The following AUTS2 variants were observed in gnomAD, a reference collection of about 807,000 sequenced individuals.
The protein encoded by AUTS2 is activator of transcription and developmental regulator AUTS2, also known as autism susceptibility gene 2 protein.
AUTS2 carries 17 observed loss-of-function variants against 112.4 expected under a neutral mutation model. That is an observed-to-expected ratio of 0.15 (90% CI 0.10 to 0.23). The LOEUF (loss-of-function observed/expected upper bound fraction) is 0.23. Ranked by LOEUF, AUTS2 falls within the 10% of genes least tolerant of loss-of-function variation. The pLI, the probability that AUTS2 is intolerant of heterozygous loss-of-function variation, is 1.00. For missense variants in AUTS2, 1,510 were observed against 1,701.6 expected, an observed-to-expected ratio of 0.89 and a Z score of 1.98; for synonymous variants, 751 against 702.7, an observed-to-expected ratio of 1.07 and a Z score of -1.09.
chr7:70,128,813 A>G (rs963950075), intron 3 of AUTS2, among the ~76,000 whole-genome samples: 3 of 152,202 alleles, frequency 2.0e-5, no homozygotes, highest in African/African-American at 7.2e-5. Context: ...CTTCAGGGCT[A>G]TGTACCCTCT....
At chr7:70,247,813 C>G (rs886372966) in intron 4 of AUTS2, among the ~76,000 whole-genome samples, 2 of 151,996 alleles carry the variant, frequency 1.3e-5, no homozygotes, top group African/African-American at 4.8e-5. Flanking sequence ...GGATTTCTTG[C>G]CTTGATCTTA....
Position 69,989,648 on chromosome 7 carries a change from T to G in AUTS2, c.522+90150T>G, listed in dbSNP as rs17141099. ...GCTTTAAATGGTATCCTTAATTTACTGCTACCTTTCAGATGAATGCAACTG... is the reference window on the plus strand; with the variant it reads ...GCTTTAAATGGTATCCTTAATTTACGGCTACCTTTCAGATGAATGCAACTG... On this transcript the variant is annotated intron_variant, in intron 2 of 18. Transcript: ENST00000342771. Among the ~76,000 whole-genome samples, 450 of 152,286 alleles carry G rather than the reference T, an allele frequency of 3.0e-3. 16 individuals carry two copies. The East Asian group carries it at 0.073, about 25-fold the overall frequency.
At chr7:70,432,597 C>T (rs921510976) in intron 4 of AUTS2, among the ~76,000 whole-genome samples, 8 of 152,146 alleles carry the variant, frequency 5.3e-5, no homozygotes, top group Admixed American at 6.5e-5. Flanking sequence ...CAACAAACCC[C>T]CTTTATGAGT....
At chr7:70,025,769 T>G (rs1419641232) in intron 2 of AUTS2, among the ~76,000 whole-genome samples, 2 of 148,746 alleles carry the variant, frequency 1.3e-5, no homozygotes, top group African/African-American at 5.0e-5. Context: ...ATACTTTTTT[T>G]TACTAAGCTT....
chr7:69,696,470 C>T (rs1008317415), intron 1 of AUTS2, among the ~76,000 whole-genome samples: 4 of 152,116 alleles, frequency 2.6e-5, no homozygotes, highest in African/African-American at 7.2e-5. Context: ...TCATTGTTGA[C>T]ATGTCATTGA....
chr7:70,697,800 G>A (rs1244446099), intron 5 of AUTS2, among the ~76,000 whole-genome samples: 2 of 152,246 alleles, frequency 1.3e-5, no homozygotes, highest in African/African-American at 4.8e-5. Context: ...GAAATATTCA[G>A]TGCTGAAACA....
intron 6 of AUTS2, among the ~76,000 whole-genome samples, chr7:70,723,473 A>G (rs1394747501): frequency 6.6e-6 from 1 of 151,944 alleles, no homozygotes; most frequent in Non-Finnish European, 1.5e-5. Context: ...CAAATGGCAC[A>G]CCTGGATTTG....
At chr7:70,354,976 ATGTATGGGTGTGTGTG>A (rs887736152) in intron 4 of AUTS2, among the ~76,000 whole-genome samples, 40 of 147,534 alleles carry the variant, frequency 2.7e-4, no homozygotes, top group Admixed American at 1.6e-3. Context: ...GTGTGTGTGT[ATGTATGGGTGTGTGTG>A]TGTATGGGTG....
intron 5 of AUTS2, among the ~76,000 whole-genome samples, chr7:70,622,382 TGTTCTTTAAGCA>T (rs1481566329): frequency 6.6e-6 from 1 of 152,156 alleles, no homozygotes; most frequent in Non-Finnish European, 1.5e-5. Flanking sequence ...GTGCTCTGGA[TGTTCTTTAAGCA>T]GCACATTCTT....
At chr7:69,812,549 A>T (rs1006801537) in intron 1 of AUTS2, among the ~76,000 whole-genome samples, 1 of 152,112 alleles carries the variant, frequency 6.6e-6, no homozygotes, top group Non-Finnish European at 1.5e-5. Flanking sequence ...TTACCTAAAC[A>T]TGTCCTATTA....
chr7:69,848,786 G>A (rs991374468), intron 1 of AUTS2, among the ~76,000 whole-genome samples: 1 of 152,036 alleles, frequency 6.6e-6, no homozygotes, highest in Admixed American at 6.5e-5. Context: ...TATACATCCA[G>A]CACAACATTC....
chr7:70,692,712 A>G (rs2129546577), intron 5 of AUTS2, among the ~76,000 whole-genome samples: 1 of 151,794 alleles, frequency 6.6e-6, no homozygotes, highest in East Asian at 1.9e-4. Flanking sequence ...CTTATTTCCA[A>G]ACTTAGAGGC....
chr7:70,739,003 C>CTTTTTTTTTTTTTTTT lies in AUTS2; in HGVS notation c.743-23848_743-23833dup, dbSNP rs57525224. ...GGTGATGTCCACGAGGTTTTGAGGC[C>CTTTTTTTTTTTTTTTT]TTTTTTTTTTTTTTTTTTTTTTTTT... On this transcript the variant is annotated intron_variant, in intron 6 of 18. Transcript: ENST00000342771. 5.1e-4 allele frequency among the ~76,000 whole-genome samples: 29 copies of CTTTTTTTTTTTTTTTT among 57,302 alleles called. 5 individuals carry two copies. Among genetic ancestry groups the CTTTTTTTTTTTTTTTT allele is most frequent in the Non-Finnish European group, 8.2e-4 (26 of 31,706 alleles). 37.6% of individuals were successfully genotyped at this position (57,302 alleles called of 152,430 possible).
chr7:70,777,082 C>T (rs777275514), intron 13 of AUTS2, 21 bp from the exon 14 acceptor site: 3 of 1,612,300 alleles, frequency 1.9e-6, no homozygotes, highest in African/African-American at 2.7e-5. Flanking sequence ...CTCCTAACCA[C>T]GTTGCTCTTT....
chr7:70,033,756 T>A (rs1260712651), intron 2 of AUTS2, among the ~76,000 whole-genome samples: 1 of 151,956 alleles, frequency 6.6e-6, no homozygotes, highest in African/African-American at 2.4e-5. Context: ...ATGTGGGAGC[T>A]ACAAAGTTGA....
intron 2 of AUTS2, among the ~76,000 whole-genome samples, chr7:69,965,979 A>G (rs1418756636): frequency 1.3e-5 from 2 of 152,184 alleles, no homozygotes; most frequent in African/African-American, 4.8e-5. Context: ...GAAGTTTATA[A>G]TAATGGTGAC....
intron 2 of AUTS2, among the ~76,000 whole-genome samples, chr7:69,923,365 A>G (rs1410847240): frequency 1.3e-5 from 2 of 152,132 alleles, no homozygotes; most frequent in Admixed American, 6.6e-5. Flanking sequence ...TGCCTATACT[A>G]TACTGTCTTT....
At chr7:69,774,006 A>G (rs1008047861) in intron 1 of AUTS2, among the ~76,000 whole-genome samples, 1 of 152,214 alleles carries the variant, frequency 6.6e-6, no homozygotes, top group Non-Finnish European at 1.5e-5. Context: ...GCAGCAGGCA[A>G]TGTGACCCAG....
intron 1 of AUTS2, among the ~76,000 whole-genome samples, chr7:69,840,860 A>C (rs1421853040): frequency 6.6e-6 from 1 of 152,234 alleles, no homozygotes; most frequent in East Asian, 1.9e-4. Flanking sequence ...AATAAAATAT[A>C]GAAGGATACA....
Sources: gnomAD v4.1 joint callset for allele counts (sites outside exome capture counted in the v4.1 genomes callset) on GRCh38, gnomAD v4.1.1 for gene constraint, MANE v1.5 for transcripts, NCBI Gene and HGNC (gene_info 2026-07-23, HGNC 2026-07-21) for gene names.